RNLS: variants seen among roughly 807,000 people sequenced by gnomAD.
RNLS encodes the protein renalase, FAD dependent amine oxidase.
A neutral mutation model predicts 39.8 loss-of-function variants in RNLS; 39 were observed. The ratio of observed to expected loss-of-function variants is 0.98; its 90% CI spans 0.76 to 1.28. RNLS has a LOEUF of 1.28. Among genes scored for constraint, RNLS ranks in the 50% most tolerant of loss-of-function variants. The pLI is 0.00. For synonymous variants in RNLS, 147 were observed against 150.7 expected (o/e 0.98, Z 0.18); for missense variants, 410 against 413.3 (o/e 0.99, Z 0.07).
At chr10:88,365,742 G>C (rs1343601354) in intron 4 of RNLS, among the ~76,000 whole-genome samples, 1 of 151,920 alleles carries the variant, frequency 6.6e-6, no homozygotes, top group Non-Finnish European at 1.5e-5. Flanking sequence ...GTGTCTTTGT[G>C]TGCATGAGTG....
At chr10:88,474,920 G>A (rs1378854755) in intron 4 of RNLS, among the ~76,000 whole-genome samples, 1 of 152,102 alleles carries the variant, frequency 6.6e-6, no homozygotes, top group East Asian at 1.9e-4. Context: ...GAAATATGAT[G>A]CCTTGTTTGA....
At chr10:88,348,775 A>G (rs1848483002) in intron 5 of RNLS, among the ~76,000 whole-genome samples, 1 of 152,082 alleles carries the variant, frequency 6.6e-6, no homozygotes, top group Non-Finnish European at 1.5e-5. Flanking sequence ...CCTCACCTTA[A>G]AGAAAAGAGA....
rs145405912 is a variant in RNLS at position 88,561,019 on chromosome 10, C to T, written c.526+11884G>A. 4.2e-3 allele frequency among the ~76,000 whole-genome samples: 644 copies of T among 152,056 alleles called. 22 individuals carry two copies. In the South Asian group the frequency reaches 0.075, roughly 18 times the overall value. On this transcript the variant is annotated intron_variant, in intron 4 of 6. Transcript: ENST00000331772. Reference sequence around the variant, plus strand: ...TCCACTCTGCTACAACTCTCTAGCACCACAGGTGCCACAGACAGGTCTAGC... The same window carrying T: ...TCCACTCTGCTACAACTCTCTAGCATCACAGGTGCCACAGACAGGTCTAGC...
chr10:88,340,687 C>A (rs1393601517), intron 5 of RNLS, among the ~76,000 whole-genome samples: 2 of 152,030 alleles, frequency 1.3e-5, no homozygotes, highest in African/African-American at 2.4e-5. Flanking sequence ...AAACACTAAA[C>A]ATGGTGATAT....
At chr10:88,558,758 A>G (rs1364020659) in intron 4 of RNLS, among the ~76,000 whole-genome samples, 1 of 152,212 alleles carries the variant, frequency 6.6e-6, no homozygotes, top group Non-Finnish European at 1.5e-5. Flanking sequence ...AGACAAGAGA[A>G]TTAGGAAATA....
intron 3 of RNLS, among the ~76,000 whole-genome samples, chr10:88,579,354 G>C (rs977576959): frequency 2.0e-5 from 3 of 152,158 alleles, no homozygotes; most frequent in Admixed American, 6.5e-5. Flanking sequence ...TTTTACAAAG[G>C]AAGGCAGGGG....
the RNLS span, among the ~76,000 whole-genome samples, chr10:88,243,639 T>C: frequency 1.3e-5 from 2 of 152,244 alleles, no homozygotes; most frequent in Non-Finnish European, 2.9e-5. Flanking sequence ...TATCCCTCTA[T>C]GAACTGCGGG....
chr10:88,297,789 T>G (rs1193675702), intron 6 of RNLS, among the ~76,000 whole-genome samples: 1 of 152,230 alleles, frequency 6.6e-6, no homozygotes, highest in Admixed American at 6.5e-5. Flanking sequence ...TGTGTTGTTG[T>G]GAACATTTGT....
In RNLS at chr10:88,580,665, T is replaced by C. The variant is rs112061592; in HGVS notation, c.367+902A>G. On this transcript the variant is annotated intron_variant, in intron 3 of 6. Transcript: ENST00000331772. ...TATAAGGAACAAATGAAAATCCTAA[T>C]AGAAAATGGGCAAAGGTTATGAATA... 1.4e-3 allele frequency among the ~76,000 whole-genome samples: 210 copies of C among 152,214 alleles called. 1 individual carries two copies. The highest frequency in any genetic ancestry group is 4.8e-3 in the African/African-American group (201 of 41,550).
At chr10:88,538,742 TTC>T (rs1847900557) in intron 4 of RNLS, among the ~76,000 whole-genome samples, 1 of 152,180 alleles carries the variant, frequency 6.6e-6, no homozygotes, top group Non-Finnish European at 1.5e-5. Flanking sequence ...ACCATTTCCT[TTC>T]TTTCAGTTTT....
At chr10:88,257,636 T>C in the RNLS span, among the ~76,000 whole-genome samples, 1 of 152,184 alleles carries the variant, frequency 6.6e-6, no homozygotes, top group Admixed American at 6.5e-5. Context: ...GGGAGACCTA[T>C]AGCTAGGAAA....
chr10:88,548,595 C>G (rs1848453566), intron 4 of RNLS, among the ~76,000 whole-genome samples: 1 of 148,590 alleles, frequency 6.7e-6, no homozygotes, highest in Non-Finnish European at 1.5e-5. Context: ...ACCTAGATCA[C>G]AACACTGCAC....
At chr10:88,269,468 T>C (rs1426603466), downstream of RNLS, among the ~76,000 whole-genome samples, 1 of 152,206 alleles carries the variant, frequency 6.6e-6, no homozygotes, top group African/African-American at 2.4e-5. Flanking sequence ...ACAGCTATAT[T>C]AGGCAGGTCT....
chr10:88,520,456 C>T (rs188013489), intron 4 of RNLS, among the ~76,000 whole-genome samples: 3 of 152,078 alleles, frequency 2.0e-5, no homozygotes, highest in East Asian at 1.9e-4. Context: ...CATGCCCAAA[C>T]GTGTGGGCAT....
downstream of RNLS, among the ~76,000 whole-genome samples, chr10:88,282,591 T>C (rs1383086427): frequency 6.6e-6 from 1 of 151,436 alleles, no homozygotes; most frequent in Non-Finnish European, 1.5e-5. Flanking sequence ...GTTAACAAGG[T>C]AGTGGGTAGG....
intron 4 of RNLS, among the ~76,000 whole-genome samples, chr10:88,480,706 G>A (rs1425309000): frequency 2.0e-5 from 3 of 152,158 alleles, no homozygotes; most frequent in African/African-American, 7.2e-5. Context: ...ACAGGCATGA[G>A]CCACTGTGCC....
intron 4 of RNLS, among the ~76,000 whole-genome samples, chr10:88,432,207 T>C (rs562620869): frequency 9.2e-5 from 14 of 151,812 alleles, no homozygotes; most frequent in Non-Finnish European, 1.5e-4. Flanking sequence ...CATTATGAAA[T>C]TATCTCCTTT....
the RNLS span, among the ~76,000 whole-genome samples, chr10:88,237,078 A>G: frequency 2.0e-5 from 3 of 152,182 alleles, no homozygotes; most frequent in Admixed American, 2.0e-4. Flanking sequence ...TATGATAACA[A>G]AGTCTTATGA....
the RNLS span, among the ~76,000 whole-genome samples, chr10:88,263,500 C>T: frequency 6.6e-6 from 1 of 152,282 alleles, no homozygotes; most frequent in African/African-American, 2.4e-5. Context: ...CTCTCATTTG[C>T]AGGGACCCCT....
Sources: allele counts gnomAD v4.1 joint callset (sites outside exome capture counted in the v4.1 genomes callset), GRCh38; gene constraint gnomAD v4.1.1; transcripts MANE v1.5; gene names NCBI Gene and HGNC (gene_info 2026-07-23, HGNC 2026-07-21).